Variants in PCDH9 observed in about 807,000 individuals in gnomAD.
The protein encoded by PCDH9 is protocadherin 9.
A neutral mutation model predicts 70.6 loss-of-function variants in PCDH9; 24 were observed. The observed-to-expected ratio is 0.34, with a 90% confidence interval of 0.25 to 0.48. The LOEUF is 0.48. PCDH9 is among the 20% of genes least tolerant of loss of function. The pLI, the probability that PCDH9 is intolerant of heterozygous loss-of-function variation, is 0.99. For missense variants in PCDH9, 1,281 were observed against 1,503.6 expected (o/e 0.85, Z 2.45); for synonymous variants, 562 against 558.5 (o/e 1.01, Z -0.09).
At chr13:66,426,455 C>G (rs1225612131) in intron 4 of PCDH9, among the ~76,000 whole-genome samples, 1 of 150,296 alleles carries the variant, frequency 6.7e-6, no homozygotes, top group Non-Finnish European at 1.5e-5. Flanking sequence ...ATTTTATTTC[C>G]CAGACTATTA....
chr13:67,174,632 A>G (rs944298390), intron 2 of PCDH9, among the ~76,000 whole-genome samples: 1 of 152,102 alleles, frequency 6.6e-6, no homozygotes, highest in Non-Finnish European at 1.5e-5. Flanking sequence ...CTTTCAATTT[A>G]CTTACTTTGT....
chr13:67,186,196 T>A (rs1054748161), intron 2 of PCDH9, among the ~76,000 whole-genome samples: 63 of 152,138 alleles, frequency 4.1e-4, no homozygotes, highest in African/African-American at 1.5e-3. Flanking sequence ...TAAGAGTGTA[T>A]ACTTTTATTA....
intron 2 of PCDH9, among the ~76,000 whole-genome samples, chr13:67,090,621 C>T (rs955825349): frequency 6.6e-6 from 1 of 151,356 alleles, no homozygotes; most frequent in East Asian, 1.9e-4. Flanking sequence ...CAATTACCAG[C>T]TACAAGCAAA....
intron 4 of PCDH9, among the ~76,000 whole-genome samples, chr13:66,605,146 T>G (rs1166797511): frequency 1.3e-5 from 2 of 152,076 alleles, no homozygotes; most frequent in Admixed American, 1.3e-4. Context: ...CCACAACTGG[T>G]GTACACAGGT....
chr13:66,860,715 T>C (rs1478733960), intron 3 of PCDH9, among the ~76,000 whole-genome samples: 1 of 152,196 alleles, frequency 6.6e-6, no homozygotes, highest in Non-Finnish European at 1.5e-5. Flanking sequence ...CATGGCACTG[T>C]CTTCTTCCTG....
chr13:67,202,046 T>A (rs1303370999), intron 2 of PCDH9: 1 of 152,000 alleles, frequency 6.6e-6, no homozygotes, highest in Admixed American at 6.6e-5. Flanking sequence ...TAAAATGGAA[T>A]ATAAATTATC....
chr13:67,114,560 T>C (rs1481964654), intron 2 of PCDH9, among the ~76,000 whole-genome samples: 1 of 152,082 alleles, frequency 6.6e-6, no homozygotes, highest in African/African-American at 2.4e-5. Flanking sequence ...CAGATAAACA[T>C]TTTTTTTCCA....
At chr13:66,799,088 G>A (rs892820597) in intron 3 of PCDH9, among the ~76,000 whole-genome samples, 12 of 151,964 alleles carry the variant, frequency 7.9e-5, no homozygotes, top group Non-Finnish European at 1.6e-4. Flanking sequence ...GTGCTTACAG[G>A]GATTACAGGC....
chr13:66,314,343 G>C (rs1349215150), intron 4 of PCDH9, among the ~76,000 whole-genome samples: 2 of 152,288 alleles, frequency 1.3e-5, no homozygotes, highest in East Asian at 3.9e-4. Context: ...TGAATCGGTA[G>C]GTTTGGGGGG....
At chr13:66,321,055 A>G (rs561828896) in intron 4 of PCDH9, among the ~76,000 whole-genome samples, 5 of 152,140 alleles carry the variant, frequency 3.3e-5, no homozygotes, top group African/African-American at 1.2e-4. Flanking sequence ...CAAACACCTC[A>G]GGCAGAGCTT....
At position 66,322,799 on chromosome 13, in the gene PCDH9, G is replaced by T. The variant is rs371721368; in HGVS notation, c.3341-17771C>A. Reference sequence around the variant, plus strand: ...ATTTTGATTTCATTTATGTGGGCACGTATATCACTCTCAGCTTTGCTAACA... The same window carrying T: ...ATTTTGATTTCATTTATGTGGGCACTTATATCACTCTCAGCTTTGCTAACA... On this transcript the variant is annotated intron_variant, in intron 4 of 4. Coordinates refer to ENST00000377865, the MANE Select transcript of PCDH9 (RefSeq NM_203487.3). Among the ~76,000 whole-genome samples, 195 of 151,956 alleles carry T rather than the reference G, an allele frequency of 1.3e-3. 5 individuals are homozygous for T. The South Asian group carries it at 0.04, about 31-fold the overall frequency.
At chr13:66,582,098 G>A (rs993834067) in intron 4 of PCDH9, among the ~76,000 whole-genome samples, 1 of 152,022 alleles carries the variant, frequency 6.6e-6, no homozygotes, top group African/African-American at 2.4e-5. Flanking sequence ...CTATCATAAT[G>A]AGATAGAAAA....
Position 66,829,746 on chromosome 13 carries a change from A to AAAAAAAT in PCDH9, c.3138+73757_3138+73758insATTTTTT, listed in dbSNP as rs2080892394. The stretch of plus-strand genomic sequence containing the variant: ...AAAAAAAAAAAAAAAAAAAAAAAAA[A>AAAAAAAT]TTTCATTTAGAATATTGAAAAACTA... On this transcript the variant is annotated intron_variant, in intron 3 of 4. Coordinates refer to ENST00000377865, the MANE Select transcript of PCDH9 (RefSeq NM_203487.3). Among the ~76,000 whole-genome samples the AAAAAAAT allele has an allele frequency of 2.9e-4, 43 of 147,142 alleles. 1 individual carries two copies. Among genetic ancestry groups the AAAAAAAT allele is most frequent in the African/African-American group, 1.1e-3 (42 of 39,818 alleles).
chr13:66,617,244 C>A (rs2077367128), intron 4 of PCDH9, among the ~76,000 whole-genome samples: 1 of 152,028 alleles, frequency 6.6e-6, no homozygotes, highest in Non-Finnish European at 1.5e-5. Flanking sequence ...CTTGGGAATG[C>A]AAGGATGGAA....
rs1425903887 is a variant in PCDH9, at chr13:66,726,854, A to G, written c.3139-95443T>C. 3.9e-5 allele frequency among the ~76,000 whole-genome samples: 6 copies of G among 152,358 alleles called. No individual in the cohort carries two copies. In the East Asian group the frequency reaches 1.2e-3, roughly 29 times the overall value. ...TTCTGGCTTTGAAAGACTGCTGATT[A>G]TCTCAAATATTTTCATATTCACCAA... On this transcript the variant is annotated intron_variant, in intron 3 of 4. Transcript: ENST00000377865.
At position 67,225,556 on chromosome 13, in the gene PCDH9, T is replaced by C; in HGVS notation, c.2885A>G (p.His962Arg). The C allele has an allele frequency of 1.9e-6, 3 of 1,614,038 alleles. No homozygotes were observed. The highest frequency in any genetic ancestry group is 2.5e-6 in the Non-Finnish European group (3 of 1,179,988). Residue 962 changes from histidine to arginine, a missense_variant, in exon 2 of 5, where the codon CAC (histidine) becomes CGC (arginine). By Grantham distance (29) the His-to-Arg change is conservative. This residue lies in a region of PCDH9 where 207 missense variants were observed against 191.8 expected (regional missense o/e 1.08). Coordinates refer to ENST00000377865, the MANE Select transcript of PCDH9 (RefSeq NM_203487.3). ...PDTPVSVKKH[H>R]VIQELPLDNT... ...GTCCAAAGGGAGTTCCTGAATCACGTGGTGCTTTTTCACGGAAACTGGAGT... is the reference window on the plus strand; with the variant it reads ...GTCCAAAGGGAGTTCCTGAATCACGCGGTGCTTTTTCACGGAAACTGGAGT...
intron 3 of PCDH9, among the ~76,000 whole-genome samples, chr13:66,866,586 C>A (rs2081579761): frequency 6.6e-6 from 1 of 152,032 alleles, no homozygotes. Context: ...TCACTGAGAT[C>A]AGGAGTTCCA....
At chr13:66,549,546 G>T (rs932301356) in intron 4 of PCDH9, among the ~76,000 whole-genome samples, 3 of 151,654 alleles carry the variant, frequency 2.0e-5, no homozygotes, top group African/African-American at 7.3e-5. Context: ...TTTAAAAAAA[G>T]GTTTTTTTGG....
intron 2 of PCDH9, among the ~76,000 whole-genome samples, chr13:67,194,717 T>C (rs1409516300): frequency 6.6e-6 from 1 of 152,148 alleles, no homozygotes; most frequent in African/African-American, 2.4e-5. Flanking sequence ...TTCTATAGAA[T>C]TGCCAGGAAA....
Sources: gnomAD v4.1 joint callset for allele counts (sites outside exome capture counted in the v4.1 genomes callset) on GRCh38, gnomAD v4.1.1 for gene constraint, gnomAD v4.1.1 regional missense constraint, MANE v1.5 for transcripts, NCBI Gene and HGNC (gene_info 2026-07-23, HGNC 2026-07-21) for gene names.